The following DYRK3 variants were observed in gnomAD, a reference collection of about 807,000 sequenced individuals.
DYRK3 encodes the protein dual specificity tyrosine phosphorylation regulated kinase 3.
In DYRK3, 30 loss-of-function variants were observed where a neutral mutation model predicts 40.8. The observed-to-expected ratio is 0.74, with a 90% CI of 0.55 to 1.00. The LOEUF is 1.00. DYRK3 is among the 50% of genes least tolerant of loss of function. The probability of loss-of-function intolerance (pLI) is 0.00; values close to 1 mark genes in which losing one functional copy is unlikely to be tolerated. For synonymous variants in DYRK3, 272 were observed against 260.7 expected (o/e 1.04, Z -0.42); for missense variants, 699 against 731.5 (o/e 0.96, Z 0.51).
rs782094487 is a variant in DYRK3, at chr1:206,648,865, C to G, written c.1667C>G (p.Pro556Arg). The change falls in exon 3 of 3, where the codon CCT becomes CGT. Residue 556 changes from proline to arginine, a missense_variant. By Grantham distance (103) the Pro-to-Arg change is moderately radical. Transcript: ENST00000367109. Reference protein sequence around the residue: ...SAFQGLGSKLPPVVGIANKLK... With the variant: ...SAFQGLGSKLRPVVGIANKLK... Reference sequence around the variant, plus strand: ...TTCCAGGGATTGGGTTCTAAGCTGCCTCCAGTTGTTGGAATAGCCAATAAG... The same window carrying G: ...TTCCAGGGATTGGGTTCTAAGCTGCGTCCAGTTGTTGGAATAGCCAATAAG... The G allele has an allele frequency of 6.2e-7, 1 of 1,614,154 alleles. No homozygotes were observed. Among genetic ancestry groups the G allele is most frequent in the Non-Finnish European group, 8.5e-7 (1 of 1,180,030 alleles).
chr1:206,639,848 A>C, intron 2 of DYRK3, among the ~76,000 whole-genome samples: 1 of 150,676 alleles, frequency 6.6e-6, no homozygotes, highest in East Asian at 2.0e-4. Context: ...TCAAAAATTA[A>C]TTTCTTACTG....
chr1:206,644,551 A>G (rs1219635793), intron 2 of DYRK3, among the ~76,000 whole-genome samples: 1 of 152,212 alleles, frequency 6.6e-6, no homozygotes, highest in African/African-American at 2.4e-5. Flanking sequence ...TTCTTTTCCT[A>G]GTTCCACCAA....
chr1:206,647,414 T>C lies in DYRK3; in HGVS notation c.216T>C (p.Asp72=), dbSNP rs1553420270. Residue 72 remains aspartate (D), a synonymous_variant, in exon 3 of 3, where the codon GAT becomes GAC. Transcript: ENST00000367109. ...LNMTTEQFTG[D]HTQHFLDGGE... ...TGACCACTGAGCAGTTTACAGGAGA[T>C]CATACTCAGCACTTTTTGGATGGAG... The C allele has an allele frequency of 6.2e-7, 1 of 1,613,314 alleles. No individual in the cohort carries two copies. Among genetic ancestry groups the C allele is most frequent in the South Asian group, 1.1e-5 (1 of 90,916 alleles).
Position 206,638,589 on chromosome 1 carries a change from T to TC in DYRK3, c.189+828_189+829insC, listed in dbSNP as rs1671188842. Among the ~76,000 whole-genome samples the TC allele has an allele frequency of 1.1e-4, 16 of 151,386 alleles. No individual in the cohort carries two copies. The South Asian group carries it at 3.1e-3, about 30-fold the overall frequency. ...GTGCTTGGCAGCTTTTTTTTTTTTT[T>TC]AACTTAAGATAAAATTAATTTGCAT... On this transcript the variant is annotated intron_variant, in intron 2 of 2. Transcript: ENST00000367109.
rs556718022 is a variant in DYRK3, at chr1:206,644,031, C to CTTTTTTTTTTTTTTT, written c.190-3350_190-3336dup. Among the ~76,000 whole-genome samples the CTTTTTTTTTTTTTTT allele has an allele frequency of 1.1e-3, 107 of 101,054 alleles. 13 individuals carry two copies. Among genetic ancestry groups the CTTTTTTTTTTTTTTT allele is most frequent in the African/African-American group, 2.7e-3 (72 of 26,452 alleles). The allele number at this position is 101,054 out of a possible 152,430, so 66.3% of individuals were successfully genotyped here. On this transcript the variant is annotated intron_variant, in intron 2 of 2. Transcript: ENST00000367109. ...TCAGGAAGGCAACAGGGACCTACAG[C>CTTTTTTTTTTTTTTT]TTTTTTTTTTTTTTTTTTTTTGAGA... is the stretch of plus-strand genomic sequence containing the variant.
intron 2 of DYRK3, 123 bp from the exon 3 acceptor site, chr1:206,647,265 G>C (rs1553420232): frequency 2.1e-6 from 2 of 959,302 alleles, no homozygotes; most frequent in African/African-American, 1.7e-5. Context: ...TCTTCTTTTT[G>C]GGTCATTTTA....
Position 206,650,884 on chromosome 1 carries a change from C to A in DYRK3, c.*1919C>A, listed in dbSNP as rs369467795. Reference sequence around the variant, plus strand: ...ATGGCAGAGAACAGCTTAAACTGAGCCTTCAGCCTCATTAATAGGAGGAAG... The same window carrying A: ...ATGGCAGAGAACAGCTTAAACTGAGACTTCAGCCTCATTAATAGGAGGAAG... On this transcript the variant is annotated 3_prime_UTR_variant, in exon 3 of 3. Transcript: ENST00000367109. Among the ~76,000 whole-genome samples the A allele has an allele frequency of 2.0e-5, 3 of 152,280 alleles. No individual in the cohort carries two copies. The East Asian group carries it at 5.8e-4, about 29-fold the overall frequency.
chr1:206,654,082 T>A lies in DYRK3; in HGVS notation c.*5117T>A, dbSNP rs1671696225. Among the ~76,000 whole-genome samples, 1 of 152,270 alleles carries A rather than the reference T, an allele frequency of 6.6e-6. No homozygotes were observed. The highest frequency in any genetic ancestry group is 1.5e-5 in the Non-Finnish European group (1 of 68,048). On this transcript the variant is annotated 3_prime_UTR_variant, in exon 3 of 3. Coordinates refer to ENST00000367109, the MANE Select transcript of DYRK3 (RefSeq NM_003582.4). ...TAAATGCTAAATTTTAGGTAGCAGCTGATAAATGGTTCTAAGCTTTCCTGA... is the reference window on the plus strand; with the variant it reads ...TAAATGCTAAATTTTAGGTAGCAGCAGATAAATGGTTCTAAGCTTTCCTGA...
intron 2 of DYRK3, among the ~76,000 whole-genome samples, chr1:206,638,274 T>TG (rs1433367021): frequency 1.0e-5 from 1 of 99,104 alleles, no homozygotes; most frequent in Non-Finnish European, 2.4e-5. Flanking sequence ...ACTTAGCTTT[T>TG]TTTTTTTTTT....
Position 206,648,319 on chromosome 1 carries a change from T to C in DYRK3, c.1121T>C (p.Phe374Ser), listed in dbSNP as rs782730026. The change falls in exon 3 of 3, where the codon TTC becomes TCC. Residue 374 changes from phenylalanine (F) to serine (S), a missense_variant. By Grantham distance (155) the Phe-to-Ser change is radical. Coordinates refer to ENST00000367109, the MANE Select transcript of DYRK3 (RefSeq NM_003582.4). Reference protein sequence around the residue: ...QKLYTYIQSRFYRAPEIILGS... With the variant: ...QKLYTYIQSRSYRAPEIILGS... ...CTCTACACATATATCCAGTCTCGGT[T>C]CTACAGAGCTCCAGAAATCATCTTA... is the stretch of plus-strand genomic sequence containing the variant. The C allele has an allele frequency of 6.2e-7, 1 of 1,614,174 alleles. No individual in the cohort carries two copies. Among genetic ancestry groups the C allele is most frequent in the Non-Finnish European group, 8.5e-7 (1 of 1,180,028 alleles).
intron 1 of DYRK3, chr1:206,636,088 T>C: frequency 6.7e-7 from 1 of 1,494,440 alleles, no homozygotes; most frequent in South Asian, 1.1e-5. Context: ...TCTAGGACTT[T>C]TTGTGGGGCT....
rs1671653914 is a variant in DYRK3, at chr1:206,652,367, A to G, written c.*3402A>G. On this transcript the variant is annotated 3_prime_UTR_variant, in exon 3 of 3. Transcript: ENST00000367109. ...GTTTTTAGTGAGAGTTCTAGCCAGT[A>G]CTGTGCCTGAACTTGGGAGAGAAAG... Among the ~76,000 whole-genome samples, 1 of 152,168 alleles carries G rather than the reference A, an allele frequency of 6.6e-6. No homozygotes were observed. The highest frequency in any genetic ancestry group is 1.5e-5 in the Non-Finnish European group (1 of 68,024).
chr1:206,647,066 G>A (rs573128760), intron 2 of DYRK3, among the ~76,000 whole-genome samples: 35 of 152,194 alleles, frequency 2.3e-4, no homozygotes, highest in African/African-American at 7.7e-4. Context: ...GAGTCGAGGG[G>A]ATGAGGGGGT....
In DYRK3 at chr1:206,637,543, A is replaced by G. The variant is rs536918674; in HGVS notation, c.78-107A>G. The G allele has an allele frequency of 1.1e-5, 8 of 714,326 alleles. No individual in the cohort carries two copies. In the South Asian group the frequency reaches 1.6e-4, roughly 14 times the overall value. The allele number at this position is 714,326 out of a possible 1,614,324, so 44.2% of individuals were successfully genotyped here. On this transcript the variant is annotated intron_variant, in intron 1 of 2. Transcript: ENST00000367109. The stretch of plus-strand genomic sequence containing the variant: ...TATTCAGTGCCAAAATGTAGTGTAG[A>G]CATTTATTTCTATTACTGTTCCTTG...
At position 206,647,561 on chromosome 1, in the gene DYRK3, A is replaced by C; in HGVS notation, c.363A>C (p.Ser121=). 1 of 1,614,210 alleles carries C rather than the reference A, an allele frequency of 6.2e-7. No homozygotes were observed. The highest frequency in any genetic ancestry group is 1.1e-5 in the South Asian group (1 of 91,078). Residue 121 remains serine (S), a synonymous_variant, in exon 3 of 3, where the codon TCA becomes TCC. Transcript: ENST00000367109. The part of the protein sequence containing the change: ...CSPTVSQGKS[S]DCLNTVKSNS... ...CTACTGTTTCTCAGGGTAAAAGTTCAGATTGCTTGAATACAGTAAAATCCA... is the reference window on the plus strand; with the variant it reads ...CTACTGTTTCTCAGGGTAAAAGTTCCGATTGCTTGAATACAGTAAAATCCA...
chr1:206,643,682 G>A (rs1671351122), intron 2 of DYRK3, among the ~76,000 whole-genome samples: 2 of 152,176 alleles, frequency 1.3e-5, no homozygotes, highest in African/African-American at 2.4e-5. Flanking sequence ...GAAAGTGGGT[G>A]AGGCAATTCC....
intron 2 of DYRK3, among the ~76,000 whole-genome samples, chr1:206,639,737 G>A (rs1364985702): frequency 6.6e-6 from 1 of 152,014 alleles, no homozygotes; most frequent in African/African-American, 2.4e-5. Context: ...TGGGATTACA[G>A]GCGCAAGCCA....
At chr1:206,636,169 A>G (rs201577548) in intron 1 of DYRK3, 34 of 838,112 alleles carry the variant, frequency 4.1e-5, no homozygotes, top group Non-Finnish European at 5.7e-5. Context: ...CGGATAACCA[A>G]CGGCTGAACT....
In DYRK3 at chr1:206,654,496, A is replaced by G. The variant is rs2102351818; in HGVS notation, c.*5531A>G. On this transcript the variant is annotated 3_prime_UTR_variant, in exon 3 of 3. Transcript: ENST00000367109. ...CTCTTCTGCCAGGGATTAGCCTCCT[A>G]GTTTTAAATATATTTTTAATATCCC... 6.6e-6 allele frequency among the ~76,000 whole-genome samples: 1 copy of G among 152,242 alleles called. No individual in the cohort carries two copies. Among genetic ancestry groups the G allele is most frequent in the East Asian group, 1.9e-4 (1 of 5,204 alleles).
Sources: allele counts gnomAD v4.1 joint callset (sites outside exome capture counted in the v4.1 genomes callset), GRCh38; gene constraint gnomAD v4.1.1; transcripts MANE v1.5; gene names NCBI Gene and HGNC (gene_info 2026-07-23, HGNC 2026-07-21).